Variants in DLGAP2 observed in about 807,000 individuals in gnomAD.
DLGAP2 encodes the protein disks large-associated protein 2.
DLGAP2 carries 26 observed loss-of-function variants against 100.3 expected under a neutral mutation model. The ratio of observed to expected loss-of-function variants is 0.26; its 90% CI spans 0.19 to 0.36. The LOEUF (loss-of-function observed/expected upper bound fraction) is 0.36, where lower values mean the gene tolerates loss of function less well. Ranked by LOEUF, DLGAP2 falls within the 10% of genes least tolerant of loss-of-function variation. DLGAP2 has a pLI of 1.00. For missense variants in DLGAP2, 1,858 were observed against 1,453.2 expected, an observed-to-expected ratio of 1.28 and a Z score of -4.53; for synonymous variants, 886 against 630.1, an observed-to-expected ratio of 1.41 and a Z score of -6.08.
chr8:1,225,937 A>G (rs1406057126), intron 2 of DLGAP2, among the ~76,000 whole-genome samples: 1 of 152,168 alleles, frequency 6.6e-6, no homozygotes, highest in Admixed American at 6.5e-5. Context: ...CTGTAAATAT[A>G]TATATAATTT....
intron 2 of DLGAP2, among the ~76,000 whole-genome samples, chr8:1,032,179 C>T (rs891390183): frequency 2.6e-5 from 4 of 152,246 alleles, no homozygotes; most frequent in Non-Finnish European, 4.4e-5. Context: ...CATCCATCGA[C>T]GCTGGGAGCT....
intron 1 of DLGAP2, among the ~76,000 whole-genome samples, chr8:851,041 G>T (rs1797174218): frequency 1.3e-5 from 2 of 152,162 alleles, no homozygotes; most frequent in South Asian, 4.1e-4. Context: ...TCCAGATGGA[G>T]TTCTCTGTAT....
chr8:1,697,066 A>C, intron 13 of DLGAP2, 81 bp from the exon 14 acceptor site: 1 of 1,373,408 alleles, frequency 7.3e-7, no homozygotes, highest in Non-Finnish European at 9.5e-7. Flanking sequence ...CTTGAAAGGC[A>C]TGCGTGGGGA....
intron 4 of DLGAP2, among the ~76,000 whole-genome samples, chr8:1,501,874 C>T (rs1338819149): frequency 1.3e-5 from 2 of 152,192 alleles, no homozygotes; most frequent in Non-Finnish European, 2.9e-5. Context: ...GCGCTTCCTT[C>T]CAAGGGCCCT....
intron 1 of DLGAP2, among the ~76,000 whole-genome samples, chr8:759,064 CATTATCAATACCCCCCACAGCCTTCCT>C (rs1197986033): frequency 2.6e-4 from 34 of 129,556 alleles, no homozygotes; most frequent in African/African-American, 9.3e-4. Context: ...ACAACCTTCC[CATTATCAATACCCCCCACAGCCTTCCT>C]GTTATCAATA....
chr8:1,312,223 T>C (rs2117017088), intron 3 of DLGAP2, among the ~76,000 whole-genome samples: 1 of 152,304 alleles, frequency 6.6e-6, no homozygotes, highest in South Asian at 2.1e-4. Context: ...GACCTAAATA[T>C]AAAACACAGG....
At chr8:1,236,274 A>G (rs367720212) in intron 2 of DLGAP2, among the ~76,000 whole-genome samples, 33 of 16,270 alleles carry the variant, frequency 2.0e-3, no homozygotes, top group African/African-American at 2.9e-3. Context: ...TGCCGTTTCT[A>G]GTTCTCTCAC....
chr8:1,187,946 C>G (rs117214704), intron 2 of DLGAP2, among the ~76,000 whole-genome samples: 1 of 117,392 alleles, frequency 8.5e-6, no homozygotes, highest in African/African-American at 5.2e-5. Context: ...CCCGGGACTT[C>G]CGTGACGTTT....
At chr8:1,614,637 A>G (rs1380772695) in intron 6 of DLGAP2, among the ~76,000 whole-genome samples, 1 of 152,250 alleles carries the variant, frequency 6.6e-6, no homozygotes, top group Non-Finnish European at 1.5e-5. Flanking sequence ...CTGCCTCTGC[A>G]GTGCTGGGCT....
intron 1 of DLGAP2, among the ~76,000 whole-genome samples, chr8:830,275 C>T (rs954397824): frequency 3.6e-4 from 55 of 152,176 alleles, no homozygotes; most frequent in African/African-American, 1.3e-3. Flanking sequence ...TATCCATCCC[C>T]TCAAGCATTT....
At chr8:1,521,746 C>T (rs1408306263) in intron 4 of DLGAP2, among the ~76,000 whole-genome samples, 2 of 46,332 alleles carry the variant, frequency 4.3e-5, no homozygotes, top group African/African-American at 1.5e-4. Flanking sequence ...TGATATGGGG[C>T]GTCTCTGGTT....
intron 3 of DLGAP2, among the ~76,000 whole-genome samples, chr8:1,344,400 C>T (rs1316373878): frequency 6.6e-6 from 1 of 152,226 alleles, no homozygotes; most frequent in Non-Finnish European, 1.5e-5. Flanking sequence ...TCTAGTGTCA[C>T]TTTCTCTGAG....
intron 3 of DLGAP2, among the ~76,000 whole-genome samples, chr8:1,267,404 G>A (rs999753293): frequency 2.0e-5 from 3 of 149,776 alleles, no homozygotes; most frequent in African/African-American, 4.9e-5. Context: ...CATCTCTACT[G>A]AAAATACAAA....
At chr8:837,536 G>T (rs912177293) in intron 1 of DLGAP2, among the ~76,000 whole-genome samples, 5 of 151,990 alleles carry the variant, frequency 3.3e-5, no homozygotes, top group African/African-American at 1.2e-4. Context: ...AAGTAGCGGT[G>T]CAGACGTGTT....
intron 1 of DLGAP2, among the ~76,000 whole-genome samples, chr8:890,811 C>T (rs1454025839): frequency 6.6e-6 from 1 of 152,146 alleles, no homozygotes; most frequent in Non-Finnish European, 1.5e-5. Context: ...CCCTCTGTGC[C>T]CAAGCCACCC....
intron 1 of DLGAP2, among the ~76,000 whole-genome samples, chr8:760,250 C>A (rs1821047184): frequency 6.6e-6 from 1 of 152,174 alleles, no homozygotes; most frequent in South Asian, 2.1e-4. Context: ...TGTCTCCTCC[C>A]TTGCTGCCTG....
At chr8:1,040,362 GCGTGGTCAGCTTGGTTTC>G (rs879772417) in intron 2 of DLGAP2, among the ~76,000 whole-genome samples, 4,629 of 138,790 alleles carry the variant, frequency 0.033, 116 homozygotes, top group Non-Finnish European at 0.049. Flanking sequence ...GGCTCAGTGT[GCGTGGTCAGCTTGGTTTC>G]CGTGGTCAGC....
intron 2 of DLGAP2, among the ~76,000 whole-genome samples, chr8:1,045,464 C>T (rs574430134): frequency 6.6e-5 from 10 of 152,278 alleles, no homozygotes; most frequent in Admixed American, 3.3e-4. Context: ...AGCTAATTAA[C>T]GTATGCATTA....
chr8:1,597,155 G>T (rs1796482678), intron 6 of DLGAP2, among the ~76,000 whole-genome samples: 1 of 152,116 alleles, frequency 6.6e-6, no homozygotes, highest in African/African-American at 2.4e-5. Context: ...TGTCAGGTTT[G>T]TCAAAGATCA....
Sources: gnomAD v4.1 joint callset for allele counts (sites outside exome capture counted in the v4.1 genomes callset) on GRCh38, gnomAD v4.1.1 for gene constraint, MANE v1.5 for transcripts, NCBI Gene and HGNC (gene_info 2026-07-23, HGNC 2026-07-21) for gene names.